The following SNRNP200 variants were observed in gnomAD, a reference collection of about 807,000 sequenced individuals.
The protein encoded by SNRNP200 is U5 small nuclear ribonucleoprotein 200 kDa helicase.
SNRNP200 carries 66 observed loss-of-function variants against 255.2 expected under a neutral mutation model. The observed-to-expected ratio is 0.26, with a 90% confidence interval of 0.21 to 0.32. The LOEUF (loss-of-function observed/expected upper bound fraction) is 0.32. SNRNP200 is among the 10% of genes least tolerant of loss of function. The pLI is 1.00. For synonymous variants in SNRNP200, 939 were observed against 1,027.8 expected (o/e 0.91, Z 1.65); for missense variants, 1,585 against 2,749.8 (o/e 0.58, Z 9.47).
chr2:96,277,562 G>A lies in SNRNP200; in HGVS notation c.5908C>T (p.His1970Tyr). 2 of 1,612,944 alleles carry A rather than the reference G, an allele frequency of 1.2e-6. No homozygotes were observed. The highest frequency in any genetic ancestry group is 1.7e-6 in the Non-Finnish European group (2 of 1,180,024). Residue 1970 changes from histidine to tyrosine, a missense_variant, in exon 41 of 45, where the codon CAT becomes TAT. His to Tyr is a moderately conservative substitution (Grantham distance 83). This residue lies in a region of SNRNP200 where 279 missense variants were observed against 551.2 expected (regional missense o/e 0.51). Transcript: ENST00000323853. The surrounding 1 kb of genome is among the most constrained non-coding windows in gnomAD (Gnocchi z 4.4). ...LKQLPHFTSE[H>Y]IKRCTDKGVE... ...ACCTTGTCTGTGCAACGTTTGATAT[G>A]CTCAGAGGTGAAGTGTGGCAGCTGC...
chr2:96,279,505 G>T lies in SNRNP200; in HGVS notation c.5079C>A (p.Arg1693=), dbSNP rs1282867722. 1.9e-5 allele frequency: 31 copies of T among 1,614,034 alleles called. No homozygotes were observed. Among genetic ancestry groups the T allele is most frequent in the Non-Finnish European group, 2.6e-5 (31 of 1,180,018 alleles). Residue 1693 remains arginine (R), a synonymous_variant, in exon 36 of 45, where the codon CGC becomes CGA. Transcript: ENST00000323853. ...DVLQMVGHAN[R]PLQDDEGRCV... ...AGCGCCCCTCATCGTCCTGCAAAGGGCGGTTGGCGTGGCCCACCATCTGAA... is the reference window on the plus strand; with the variant it reads ...AGCGCCCCTCATCGTCCTGCAAAGGTCGGTTGGCGTGGCCCACCATCTGAA...
intron 10 of SNRNP200, 30 bp downstream of exon 10, chr2:96,297,607 G>A: frequency 6.2e-7 from 1 of 1,614,102 alleles, no homozygotes; most frequent in Non-Finnish European, 8.5e-7. Context: ...ATCCATCAAG[G>A]CCTGGGAAAT....
intron 30 of SNRNP200, 170 bp from the exon 31 acceptor site, chr2:96,284,755 T>C (rs538302816): frequency 9.6e-6 from 6 of 625,916 alleles, no homozygotes; most frequent in Non-Finnish European, 1.7e-5. Flanking sequence ...TTTTCTTTTT[T>C]TTTTTTCTTT....
Position 96,287,400 on chromosome 2 carries a change from C to T in SNRNP200, c.3484+39G>A, listed in dbSNP as rs759737270. On this transcript the variant is annotated intron_variant, in intron 26 of 44. Coordinates refer to ENST00000323853, the MANE Select transcript of SNRNP200 (RefSeq NM_014014.5). The surrounding 1 kb of genome is among the most constrained non-coding windows in gnomAD (Gnocchi z 5.7). The stretch of plus-strand genomic sequence containing the variant: ...CTACATAGGCAAACTGGGAGAGACA[C>T]CCAGGCAGTGAGGACAAGGGCGAGA... The T allele has an allele frequency of 2.8e-6, 4 of 1,453,002 alleles. No individual in the cohort carries two copies. Among genetic ancestry groups the T allele is most frequent in the Non-Finnish European group, 2.9e-6 (3 of 1,033,164 alleles). 90.0% of individuals were successfully genotyped at this position (1,453,002 alleles called of 1,614,324 possible). A position where few individuals can be genotyped will look rare whatever the true frequency, so the allele number is the denominator to read the frequency against.
At position 96,304,851 on chromosome 2, in the gene SNRNP200, G is replaced by T. The variant is rs754908468; in HGVS notation, c.63C>A (p.Leu21=). Reference sequence around the variant, plus strand: ...GGTCAATGAGAGAACGGTCAGCTTGGAGCACAAGATTCGAGTTCTGAAAAG... The same window carrying T: ...GGTCAATGAGAGAACGGTCAGCTTGTAGCACAAGATTCGAGTTCTGAAAAG... The part of the protein sequence containing the change: ...YEYKANSNLV[L]QADRSLIDRT... The change falls in exon 2 of 45, where the codon CTC becomes CTA. Residue 21 remains leucine (L), a synonymous_variant. Transcript: ENST00000323853. The T allele has an allele frequency of 6.2e-7, 1 of 1,614,174 alleles. No individual in the cohort carries two copies. The highest frequency in any genetic ancestry group is 1.1e-5 in the South Asian group (1 of 91,082).
chr2:96,303,286 T>C lies in SNRNP200; in HGVS notation c.254A>G (p.Lys85Arg), dbSNP rs778085581. The change falls in exon 3 of 45, where the codon AAG becomes AGG. Residue 85 changes from lysine to arginine, a missense_variant. This residue lies in a region of SNRNP200 where 383 missense variants were observed against 645.3 expected (regional missense o/e 0.59). Coordinates refer to ENST00000323853, the MANE Select transcript of SNRNP200 (RefSeq NM_014014.5). ...GCCCTCCGACAGCAGAGTATAACCCTTCATCTTGTTGATGTCATGCCGGTC... is the reference window on the plus strand; with the variant it reads ...GCCCTCCGACAGCAGAGTATAACCCCTCATCTTGTTGATGTCATGCCGGTC... ...DEDRHDINKM[K>R]GYTLLSEGID... is the part of the protein sequence containing the mutation. 1.9e-6 allele frequency: 3 copies of C among 1,614,200 alleles called. No individual in the cohort carries two copies. Among genetic ancestry groups the C allele is most frequent in the Non-Finnish European group, 2.5e-6 (3 of 1,180,040 alleles).
intron 1 of SNRNP200, among the ~76,000 whole-genome samples, 181 bp downstream of exon 1, chr2:96,305,212 G>A (rs2063979992): frequency 6.6e-6 from 1 of 152,110 alleles, no homozygotes; most frequent in Admixed American, 6.5e-5. Flanking sequence ...AGAGATCTTA[G>A]CGCTCCCCAG....
Position 96,303,152 on chromosome 2 carries a change from C to T in SNRNP200, c.381+7G>A. ...ACCTAATATATATTTCACAATATCA[C>T]ACTCACCTGGTCCCCAAGAGCAGCC... is the stretch of plus-strand genomic sequence containing the variant. On this transcript the variant is annotated splice_region_variant and intron_variant, in intron 3 of 44. Coordinates refer to ENST00000323853, the MANE Select transcript of SNRNP200 (RefSeq NM_014014.5). The T allele has an allele frequency of 6.2e-7, 1 of 1,613,958 alleles. No individual in the cohort carries two copies. Among genetic ancestry groups the T allele is most frequent in the Non-Finnish European group, 8.5e-7 (1 of 1,179,830 alleles).
chr2:96,289,055 A>G lies in SNRNP200; in HGVS notation c.3156T>C (p.Ile1052=), dbSNP rs529006345. 1.9e-6 allele frequency: 3 copies of G among 1,612,572 alleles called. No homozygotes were observed. The highest frequency in any genetic ancestry group is 2.2e-5 in the South Asian group (2 of 90,646). The change falls in exon 23 of 45, where the codon ATT becomes ATC. Residue 1052 remains isoleucine (I), a synonymous_variant. Coordinates refer to ENST00000323853, the MANE Select transcript of SNRNP200 (RefSeq NM_014014.5). ...ERVPIPVKES[I]EEPSAKINVL... The stretch of plus-strand genomic sequence containing the variant: ...AGCTCACCTTAGCACTGGGTTCCTC[A>G]ATGCTCTCCTTTACAGGGATAGGCA...
At chr2:96,301,484 C>A (rs781580454) in intron 4 of SNRNP200, 40 bp downstream of exon 4, 16 of 1,600,318 alleles carry the variant, frequency 1.0e-5, no homozygotes, top group Admixed American at 5.0e-5. Flanking sequence ...GGGTCAACAA[C>A]AACCAATGAA....
At chr2:96,282,030 C>A in intron 34 of SNRNP200, 108 bp from the exon 35 acceptor site, 1 of 793,400 alleles carries the variant, frequency 1.3e-6, no homozygotes, top group South Asian at 1.4e-5. Flanking sequence ...TTTCAGAACT[C>A]ACAGCAAGGC....
Position 96,277,703 on chromosome 2 carries a change from T to C in SNRNP200, c.5767A>G (p.Ile1923Val). ...EEILSKAIRL[I>V]QACVDVLSSN... ...GAAAGGACATCCACGCAGGCCTGGA[T>C]GAGCCGGATTGCCTGAACAGGAAAA... The change falls in exon 41 of 45, where the codon ATC becomes GTC. Residue 1923 changes from isoleucine to valine, a missense_variant. By Grantham distance (29) the Ile-to-Val change is conservative. This residue lies in a region of SNRNP200 where 279 missense variants were observed against 551.2 expected (regional missense o/e 0.51). Coordinates refer to ENST00000323853, the MANE Select transcript of SNRNP200 (RefSeq NM_014014.5). The surrounding 1 kb of genome is among the most constrained non-coding windows in gnomAD (Gnocchi z 4.4). 1 of 1,613,960 alleles carries C rather than the reference T, an allele frequency of 6.2e-7. No homozygotes were observed. The highest frequency in any genetic ancestry group is 8.5e-7 in the Non-Finnish European group (1 of 1,179,860).
Position 96,284,398 on chromosome 2 carries a change from A to G in SNRNP200, c.4352T>C (p.Phe1451Ser). The G allele has an allele frequency of 1.2e-6, 2 of 1,614,084 alleles. No homozygotes were observed. The highest frequency in any genetic ancestry group is 1.7e-6 in the Non-Finnish European group (2 of 1,179,978). ...GATAAGGTGGACCTCATCCACCACGAAGAGGTTGATGTTCTGCACGTTCTT... is the reference window on the plus strand; with the variant it reads ...GATAAGGTGGACCTCATCCACCACGGAGAGGTTGATGTTCTGCACGTTCTT... ...QRKNVQNINL[F>S]VVDEVHLIGG... The change falls in exon 31 of 45, where the codon TTC becomes TCC. Residue 1451 changes from phenylalanine (F) to serine (S), a missense_variant. Phe to Ser is a radical substitution (Grantham distance 155). This residue lies in a region of SNRNP200 where 719 missense variants were observed against 1,091.1 expected (regional missense o/e 0.66). Coordinates refer to ENST00000323853, the MANE Select transcript of SNRNP200 (RefSeq NM_014014.5).
chr2:96,279,134 G>T (rs1684717897), intron 36 of SNRNP200, 136 bp from the exon 37 acceptor site: 1 of 748,762 alleles, frequency 1.3e-6, no homozygotes, highest in Non-Finnish European at 2.3e-6. Context: ...CACACATTTA[G>T]AAAGTGCATC....
Position 96,301,696 on chromosome 2 carries a change from C to G in SNRNP200, c.402G>C (p.Gly134=), listed in dbSNP as rs1314968898. The part of the protein sequence containing the change: ...LGDQPRDILC[G]AADEVLAVLK... ...GAACAGCTAGAACTTCATCAGCTGCCCCACAAAGGATATCACGTGGCTGGT... is the reference window on the plus strand; with the variant it reads ...GAACAGCTAGAACTTCATCAGCTGCGCCACAAAGGATATCACGTGGCTGGT... The change falls in exon 4 of 45, where the codon GGG becomes GGC. Residue 134 remains glycine (G), a synonymous_variant. Coordinates refer to ENST00000323853, the MANE Select transcript of SNRNP200 (RefSeq NM_014014.5). 6.2e-7 allele frequency: 1 copy of G among 1,614,092 alleles called. No homozygotes were observed. Among genetic ancestry groups the G allele is most frequent in the African/African-American group, 1.3e-5 (1 of 74,998 alleles).
chr2:96,288,988 A>C, intron 23 of SNRNP200, 49 bp downstream of exon 23: 1 of 1,514,064 alleles, frequency 6.6e-7, no homozygotes, highest in Non-Finnish European at 9.1e-7. Flanking sequence ...AAGATTATGA[A>C]AACCACTTAA....
At position 96,278,537 on chromosome 2, in the gene SNRNP200, C is replaced by T. The variant is rs200072234; in HGVS notation, c.5488+10G>A. The T allele has an allele frequency of 4.1e-5, 66 of 1,613,804 alleles. No individual in the cohort carries two copies. The highest frequency in any genetic ancestry group is 9.9e-5 in the South Asian group (9 of 91,080). ...CCCACAGACAGGACACGGGCCATGC[C>T]GGGCCTCACCAATGGTGGTGTAGTT... On this transcript the variant is annotated intron_variant, in intron 38 of 44. Coordinates refer to ENST00000323853, the MANE Select transcript of SNRNP200 (RefSeq NM_014014.5). This position sits in a 1 kb window ranked among gnomAD's most constrained non-coding sequence, Gnocchi z 6.9.
chr2:96,284,251 T>C (rs2063827536), intron 31 of SNRNP200, 107 bp downstream of exon 31: 1 of 1,020,246 alleles, frequency 9.8e-7, no homozygotes, highest in Non-Finnish European at 1.5e-6. Context: ...TAGAATCCTC[T>C]GGGGAGAAGC....
intron 12 of SNRNP200, 69 bp from the exon 13 acceptor site, chr2:96,296,760 C>T: frequency 6.3e-7 from 1 of 1,581,072 alleles, no homozygotes. Flanking sequence ...CTTCCATGGG[C>T]TTATTTCCCA....
Sources: allele counts gnomAD v4.1 joint callset (sites outside exome capture counted in the v4.1 genomes callset), GRCh38; gene constraint gnomAD v4.1.1; regional missense constraint gnomAD v4.1.1; non-coding constraint Gnocchi (gnomAD v3.1); transcripts MANE v1.5; gene names NCBI Gene and HGNC (gene_info 2026-07-23, HGNC 2026-07-21).